Variants in KIF2C observed in about 807,000 individuals in gnomAD.
The protein encoded by KIF2C is kinesin family member 2C.
A neutral mutation model predicts 97.4 loss-of-function variants in KIF2C; 34 were observed. That is an observed-to-expected ratio of 0.35 (90% CI 0.27 to 0.46). The LOEUF (loss-of-function observed/expected upper bound fraction) is 0.46. KIF2C is among the 20% of genes least tolerant of loss of function. The pLI, the probability that KIF2C is intolerant of heterozygous loss-of-function variation, is 1.00. For synonymous variants in KIF2C, 313 were observed against 318.2 expected, an observed-to-expected ratio of 0.98 and a Z score of 0.17; for missense variants, 750 against 907.6, an observed-to-expected ratio of 0.83 and a Z score of 2.23.
intron 2 of KIF2C, among the ~76,000 whole-genome samples, chr1:44,743,046 C>T (rs566599026): frequency 2.0e-5 from 3 of 152,248 alleles, no homozygotes; most frequent in Admixed American, 6.5e-5. Flanking sequence ...AAGCTGGCCA[C>T]GAGCAGTGCA....
At position 44,748,178 on chromosome 1, in the gene KIF2C, AAGT is replaced by A. The variant is rs1649320208; in HGVS notation, c.316+482_316+484del. Among the ~76,000 whole-genome samples the A allele has an allele frequency of 2.0e-5, 3 of 152,146 alleles. No homozygotes were observed. In the South Asian group the frequency reaches 6.2e-4, roughly 32 times the overall value. On this transcript the variant is annotated intron_variant, in intron 4 of 20. Transcript: ENST00000372224. ...TAGGAGGTTGGGAGTCTCTCTGCAG[AAGT>A]AGTCTGTGAAAACCTACTTTGACAA...
rs1650108775 is a variant in KIF2C at position 44,760,967 on chromosome 1, GA to G, written c.1683+269del. 3 of 400,084 alleles carry G rather than the reference GA, an allele frequency of 7.5e-6. No homozygotes were observed. Among genetic ancestry groups the G allele is most frequent in the African/African-American group, 2.0e-5 (1 of 49,442 alleles). 24.8% of individuals were successfully genotyped at this position (400,084 alleles called of 1,614,324 possible). A position where few individuals can be genotyped will look rare whatever the true frequency, so the allele number is the denominator to read the frequency against. ...AGAGGTCATTCCTGCATTACCTGAT[GA>G]AAAGGGGGTTCCAGAATTCGGAAGA... On this transcript the variant is annotated intron_variant, in intron 16 of 20. Transcript: ENST00000372224. The surrounding 1 kb of genome is among the most constrained non-coding windows in gnomAD (Gnocchi z 4.2).
chr1:44,766,119 G>A (rs1311486341), intron 19 of KIF2C, among the ~76,000 whole-genome samples: 2 of 152,094 alleles, frequency 1.3e-5, no homozygotes, highest in African/African-American at 2.4e-5. Flanking sequence ...CCAGCTACTC[G>A]GGAGGCTGAG....
chr1:44,747,023 G>T (rs565732039), intron 2 of KIF2C, among the ~76,000 whole-genome samples: 47 of 151,834 alleles, frequency 3.1e-4, no homozygotes, highest in African/African-American at 8.9e-4. Context: ...TCAGCCTCGG[G>T]GGGGCCAGGC....
At chr1:44,751,117 A>G (rs1649485923) in intron 5 of KIF2C, among the ~76,000 whole-genome samples, 1 of 152,208 alleles carries the variant, frequency 6.6e-6, no homozygotes, top group African/African-American at 2.4e-5. Flanking sequence ...TGCAGCTCCT[A>G]ATTCCCCCAA....
intron 2 of KIF2C, chr1:44,746,424 A>G (rs1027001640): frequency 2.7e-5 from 31 of 1,134,430 alleles, no homozygotes; most frequent in Non-Finnish European, 1.1e-5. Context: ...TAACTGGGGA[A>G]GTTTCTGGGC....
At chr1:44,749,564 C>T (rs958892299) in intron 4 of KIF2C, among the ~76,000 whole-genome samples, 1 of 151,644 alleles carries the variant, frequency 6.6e-6, no homozygotes, top group Non-Finnish European at 1.5e-5. Flanking sequence ...CCAGCCTGGG[C>T]AATATAGCAA....
chr1:44,765,126 A>G (rs1650384482), intron 19 of KIF2C, among the ~76,000 whole-genome samples: 1 of 152,074 alleles, frequency 6.6e-6, no homozygotes, highest in Non-Finnish European at 1.5e-5. Flanking sequence ...TCAAAAATAA[A>G]ATAAAATAAT....
Position 44,755,963 on chromosome 1 carries a change from A to T in KIF2C, c.794A>T (p.Lys265Ile). 1 of 1,614,146 alleles carries T rather than the reference A, an allele frequency of 6.2e-7. No homozygotes were observed. Among genetic ancestry groups the T allele is most frequent in the Non-Finnish European group, 8.5e-7 (1 of 1,180,020 alleles). ...CACAGAATATGTGTCTGTGTTAGGA[A>T]ACGCCCACTGAATAAGCAAGGTAAG... Reference protein sequence around the residue: ...EEHRICVCVRKRPLNKQELAK... With the variant: ...EEHRICVCVRIRPLNKQELAK... The change falls in exon 9 of 21, where the codon AAA becomes ATA. Residue 265 changes from lysine (K) to isoleucine (I), a missense_variant. By Grantham distance (102) the Lys-to-Ile change is moderately radical. Transcript: ENST00000372224.
In KIF2C at chr1:44,760,172, A is replaced by C; in HGVS notation, c.1368-108A>C. ...TGGAAGCCTGGGACAGGAAAACAGGACTTTTTCGCCTCCTAACCTGTGTCC... is the reference window on the plus strand; with the variant it reads ...TGGAAGCCTGGGACAGGAAAACAGGCCTTTTTCGCCTCCTAACCTGTGTCC... On this transcript the variant is annotated intron_variant, in intron 14 of 20. Coordinates refer to ENST00000372224, the MANE Select transcript of KIF2C (RefSeq NM_006845.4). This position sits in a 1 kb window ranked among gnomAD's most constrained non-coding sequence, Gnocchi z 4.2. The C allele has an allele frequency of 1.1e-6, 1 of 921,194 alleles. No individual in the cohort carries two copies. Among genetic ancestry groups the C allele is most frequent in the South Asian group, 1.6e-5 (1 of 63,476 alleles). 57.1% of individuals were successfully genotyped at this position (921,194 alleles called of 1,614,324 possible).
At chr1:44,747,726 A>C (rs781363694) in intron 4 of KIF2C, 26 bp downstream of exon 4, 49 of 1,598,582 alleles carry the variant, frequency 3.1e-5, no homozygotes, top group Middle Eastern at 3.3e-4. Flanking sequence ...CTAGCTTACT[A>C]TCATGGAATT....
chr1:44,748,807 A>G lies in KIF2C; in HGVS notation c.316+1107A>G, dbSNP rs867159572. On this transcript the variant is annotated intron_variant, in intron 4 of 20. Coordinates refer to ENST00000372224, the MANE Select transcript of KIF2C (RefSeq NM_006845.4). Reference sequence around the variant, plus strand: ...AGTGATCCTCCTGCTTCAGCCTCCTAAAGTGCTAGGATTGCAGGCGCGAGC... The same window carrying G: ...AGTGATCCTCCTGCTTCAGCCTCCTGAAGTGCTAGGATTGCAGGCGCGAGC... 4.0e-5 allele frequency among the ~76,000 whole-genome samples: 6 copies of G among 148,460 alleles called. No individual in the cohort carries two copies. In the South Asian group the frequency reaches 1.3e-3, roughly 31 times the overall value.
chr1:44,761,638 G>A (rs939091945), intron 16 of KIF2C, among the ~76,000 whole-genome samples: 4 of 151,964 alleles, frequency 2.6e-5, no homozygotes, highest in African/African-American at 9.7e-5. Context: ...AAAAAGATAG[G>A]ACCTTGGTAG....
chr1:44,756,105 C>T lies in KIF2C; in HGVS notation c.845C>T (p.Ser282Phe). 1.2e-6 allele frequency: 2 copies of T among 1,614,156 alleles called. No individual in the cohort carries two copies. The highest frequency in any genetic ancestry group is 1.7e-6 in the Non-Finnish European group (2 of 1,180,020). Residue 282 changes from serine to phenylalanine, a missense_variant, in exon 10 of 21, where the codon TCC becomes TTC. Transcript: ENST00000372224. ...GCCAAGAAAGAAATTGATGTGATTT[C>T]CATTCCTAGCAAGTGTCTCCTCTTG... ...ELAKKEIDVISIPSKCLLLVH... is the reference protein window; with the variant it reads ...ELAKKEIDVIFIPSKCLLLVH...
intron 17 of KIF2C, 166 bp downstream of exon 17, chr1:44,762,149 C>T (rs1650187000): frequency 1.2e-6 from 1 of 835,432 alleles, no homozygotes; most frequent in Non-Finnish European, 2.1e-6. Context: ...TGTCCCAATC[C>T]TCTCCGGGCC....
In KIF2C at chr1:44,753,227, A is replaced by G; in HGVS notation, c.535A>G (p.Ser179Gly). 6.2e-7 allele frequency: 1 copy of G among 1,613,764 alleles called. No homozygotes were observed. Among genetic ancestry groups the G allele is most frequent in the Non-Finnish European group, 8.5e-7 (1 of 1,179,736 alleles). The change falls in exon 6 of 21, where the codon AGC becomes GGC. Residue 179 changes from serine to glycine, a missense_variant. Ser to Gly is a moderately conservative substitution (Grantham distance 56, BLOSUM62 0). Transcript: ENST00000372224. Reference sequence around the variant, plus strand: ...AGAGCAAGTCCATTCCATCCGAGGCAGCTCTTCTGCAAACCCTGTGAACTC... The same window carrying G: ...AGAGCAAGTCCATTCCATCCGAGGCGGCTCTTCTGCAAACCCTGTGAACTC... ...MEEQVHSIRG[S>G]SSANPVNSVR... is the part of the protein sequence containing the mutation.
In KIF2C at chr1:44,740,030, G is replaced by A. The variant is rs202163854; in HGVS notation, c.70+28G>A. The A allele has an allele frequency of 3.2e-4, 518 of 1,613,940 alleles. 4 individuals carry two copies. In the African/African-American group the frequency reaches 6.3e-3, roughly 19 times the overall value. On this transcript the variant is annotated intron_variant, in intron 1 of 20. Transcript: ENST00000372224. ...GAGGAGCGGGGTCCCTAGGTCAAGG[G>A]GACTCGTGAGCGGTGAGACGACTGA...
chr1:44,739,909 T>C lies in KIF2C; in HGVS notation c.-24T>C. 1.2e-6 allele frequency: 2 copies of C among 1,609,786 alleles called. No homozygotes were observed. The highest frequency in any genetic ancestry group is 1.7e-6 in the Non-Finnish European group (2 of 1,175,978). ...ATTGAGGTTTCTTGGTATTGCGCGTTTCTCTTCCTTGCTGACTCTCCGAAT... is the reference window on the plus strand; with the variant it reads ...ATTGAGGTTTCTTGGTATTGCGCGTCTCTCTTCCTTGCTGACTCTCCGAAT... On this transcript the variant is annotated 5_prime_UTR_variant, in exon 1 of 21. Transcript: ENST00000372224.
chr1:44,742,484 G>T (rs1409085687), intron 2 of KIF2C, among the ~76,000 whole-genome samples: 1 of 151,670 alleles, frequency 6.6e-6, no homozygotes, highest in Admixed American at 6.6e-5. Flanking sequence ...TTGGGAGGCC[G>T]AGGTGGGCGG....
Sources: gnomAD v4.1 joint callset for allele counts (sites outside exome capture counted in the v4.1 genomes callset) on GRCh38, gnomAD v4.1.1 for gene constraint, Gnocchi (gnomAD v3.1) non-coding constraint, MANE v1.5 for transcripts, NCBI Gene and HGNC (gene_info 2026-07-23, HGNC 2026-07-21) for gene names.